Variants in LIFR observed in about 807,000 individuals in gnomAD.
LIFR encodes the protein LIF receptor subunit alpha.
LIFR carries 84 observed loss-of-function variants against 122.2 expected under a neutral mutation model. That is an observed-to-expected ratio of 0.69 (90% CI 0.58 to 0.82). The LOEUF is 0.82. LIFR is among the 40% of genes least tolerant of loss of function. LIFR has a pLI of 0.00. For synonymous variants in LIFR, 422 were observed against 434.7 expected, an observed-to-expected ratio of 0.97 and a Z score of 0.36; for missense variants, 1,294 against 1,311.6, an observed-to-expected ratio of 0.99 and a Z score of 0.21.
At chr5:38,567,496 G>GTATT (rs56285132) in intron 1 of LIFR, among the ~76,000 whole-genome samples, 20,582 of 132,642 alleles carry the variant, frequency 0.16, 1,775 homozygotes, top group African/African-American at 0.21. Flanking sequence ...TGACCATTCT[G>GTATT]TATTTATTTA....
At chr5:38,484,727 A>T in intron 18 of LIFR, 48 bp downstream of exon 18, 1 of 1,189,962 alleles carries the variant, frequency 8.4e-7, no homozygotes, top group Non-Finnish European at 1.3e-6. Context: ...AAATCTTATA[A>T]TCATGCCTTT....
At chr5:38,580,644 C>T (rs1580225028) in intron 1 of LIFR, among the ~76,000 whole-genome samples, 1 of 152,304 alleles carries the variant, frequency 6.6e-6, no homozygotes, top group East Asian at 1.9e-4. Flanking sequence ...CACCTAACCT[C>T]ACATCTGCCT....
intron 14 of LIFR, among the ~76,000 whole-genome samples, chr5:38,492,566 T>TA (rs1744653407): frequency 6.6e-6 from 1 of 152,156 alleles, no homozygotes; most frequent in Admixed American, 6.5e-5. Context: ...GGAAGATCAT[T>TA]ACCACTTCAG....
Position 38,497,481 on chromosome 5 carries a change from A to C in LIFR, c.1672-886T>G, listed in dbSNP as rs147899326. On this transcript the variant is annotated intron_variant, in intron 12 of 19. Coordinates refer to ENST00000453190, the MANE Select transcript of LIFR (RefSeq NM_001127671.2). The stretch of plus-strand genomic sequence containing the variant: ...ACATTTTTCAGGAGCAAAACTTTTA[A>C]AACTATCCAGAAGCACTGCTCTACT... Among the ~76,000 whole-genome samples the C allele has an allele frequency of 3.0e-4, 46 of 152,384 alleles. No individual in the cohort carries two copies. In the East Asian group the frequency reaches 8.1e-3, roughly 27 times the overall value.
Position 38,481,479 on chromosome 5 carries a change from A to G in LIFR, c.*116T>C. ...TTCAGTGTAACTTAACATGTAGTGA[A>G]GTTCACCTCCTAACAATACTTCACA... On this transcript the variant is annotated 3_prime_UTR_variant, in exon 20 of 20. Coordinates refer to ENST00000453190, the MANE Select transcript of LIFR (RefSeq NM_001127671.2). 1 of 1,120,984 alleles carries G rather than the reference A, an allele frequency of 8.9e-7. No homozygotes were observed. The highest frequency in any genetic ancestry group is 1.4e-6 in the Non-Finnish European group (1 of 734,026). 69.4% of individuals were successfully genotyped at this position (1,120,984 alleles called of 1,614,324 possible).
intron 11 of LIFR, among the ~76,000 whole-genome samples, chr5:38,501,409 C>T (rs1217041715): frequency 1.3e-5 from 2 of 152,148 alleles, no homozygotes; most frequent in Non-Finnish European, 2.9e-5. Context: ...TATTATACTG[C>T]ATAATATAAA....
rs570512971 is a variant in LIFR at position 38,480,936 on chromosome 5, G to C, written c.*659C>G. On this transcript the variant is annotated 3_prime_UTR_variant, in exon 20 of 20. Transcript: ENST00000453190. ...ACATGATTATGATTTGGGCTGGTCA[G>C]TGTCACACTTGTTTTCAAAGTTTGT... is the stretch of plus-strand genomic sequence containing the variant. The C allele has an allele frequency of 3.2e-5, 7 of 221,296 alleles. No homozygotes were observed. The South Asian group carries it at 1.3e-3, about 41-fold the overall frequency. 13.7% of individuals were successfully genotyped at this position (221,296 alleles called of 1,614,324 possible). A position where few individuals can be genotyped will look rare whatever the true frequency, so the allele number is the denominator to read the frequency against.
intron 1 of LIFR, among the ~76,000 whole-genome samples, chr5:38,531,789 C>T (rs1164666290): frequency 3.3e-5 from 5 of 152,128 alleles, no homozygotes; most frequent in Admixed American, 6.5e-5. Context: ...AAATATTTTT[C>T]TTAGTGAAAG....
rs559680622 is a variant in LIFR at position 38,546,455 on chromosome 5, T to G, written c.-20+9879A>C. Among the ~76,000 whole-genome samples the G allele has an allele frequency of 2.5e-4, 38 of 152,336 alleles. No homozygotes were observed. In the East Asian group the frequency reaches 5.2e-3, roughly 21 times the overall value. On this transcript the variant is annotated intron_variant, in intron 1 of 19. Coordinates refer to ENST00000453190, the MANE Select transcript of LIFR (RefSeq NM_001127671.2). ...AAACCCTTGAATTATTTGTCAATAT[T>G]GCAAAATGGAGTGTTTAAAAATCAA...
At chr5:38,573,316 G>A (rs1443143850) in intron 1 of LIFR, among the ~76,000 whole-genome samples, 1 of 152,192 alleles carries the variant, frequency 6.6e-6, no homozygotes, top group Non-Finnish European at 1.5e-5. Flanking sequence ...AGGCCAGTGG[G>A]TCAGTGTGCC....
chr5:38,541,630 C>T (rs1747597836), intron 1 of LIFR, among the ~76,000 whole-genome samples: 1 of 152,070 alleles, frequency 6.6e-6, no homozygotes, highest in Admixed American at 6.6e-5. Flanking sequence ...AGACAGATAT[C>T]AAAAACTTCT....
In LIFR at chr5:38,493,742, A is replaced by AT; in HGVS notation, c.1928_1929insA (p.Leu644SerfsTer17). 1 of 1,614,148 alleles carries AT rather than the reference A, an allele frequency of 6.2e-7. No individual in the cohort carries two copies. Among genetic ancestry groups the AT allele is most frequent in the Non-Finnish European group, 8.5e-7 (1 of 1,180,002 alleles). On this transcript the variant is annotated frameshift_variant, in exon 14 of 20. Coordinates refer to ENST00000453190, the MANE Select transcript of LIFR (RefSeq NM_001127671.2). LOFTEE classifies it high-confidence loss of function. ...TGGGGTCGTAATGCCAGGTGAGGAG[A>AT]ATCCCCTTTCCCATCCCAACAACTT...
At chr5:38,518,054 G>A (rs1746198721) in intron 5 of LIFR, among the ~76,000 whole-genome samples, 1 of 151,144 alleles carries the variant, frequency 6.6e-6, no homozygotes, top group Admixed American at 6.6e-5. Flanking sequence ...TGAGGCTGCA[G>A]TCAGCTATAT....
At chr5:38,504,642 G>C (rs1309650105) in intron 9 of LIFR, among the ~76,000 whole-genome samples, 1 of 152,128 alleles carries the variant, frequency 6.6e-6, no homozygotes, top group Non-Finnish European at 1.5e-5. Context: ...AATAATGAAG[G>C]TACAGCGAGG....
At chr5:38,607,301 G>A (rs920632080) in intron 1 of LIFR, among the ~76,000 whole-genome samples, 3 of 152,222 alleles carry the variant, frequency 2.0e-5, no homozygotes, top group South Asian at 4.1e-4. Flanking sequence ...ATTGTGCCTC[G>A]CATTTTCATC....
In LIFR at chr5:38,481,440, AG is replaced by A; in HGVS notation, c.*154del. On this transcript the variant is annotated 3_prime_UTR_variant, in exon 20 of 20. Coordinates refer to ENST00000453190, the MANE Select transcript of LIFR (RefSeq NM_001127671.2). ...ACTTTGGCTTTTAGACTACATTAAAAGCACATGAACACTTTCAGTGTAACTT... is the reference window on the plus strand; with the variant it reads ...ACTTTGGCTTTTAGACTACATTAAAACACATGAACACTTTCAGTGTAACTT... 1.2e-6 allele frequency: 1 copy of A among 850,416 alleles called. No homozygotes were observed. The highest frequency in any genetic ancestry group is 1.9e-6 in the Non-Finnish European group (1 of 517,032). 52.7% of individuals were successfully genotyped at this position (850,416 alleles called of 1,614,324 possible). A position where few individuals can be genotyped will look rare whatever the true frequency, so the allele number is the denominator to read the frequency against.
chr5:38,499,654 TC>T, intron 11 of LIFR, 71 bp from the exon 12 acceptor site: 1 of 1,048,234 alleles, frequency 9.5e-7, no homozygotes. Context: ...GCATTTTTTT[TC>T]TAGGATGTTT....
intron 1 of LIFR, among the ~76,000 whole-genome samples, chr5:38,541,341 G>A (rs1747581086): frequency 6.6e-6 from 1 of 152,212 alleles, no homozygotes; most frequent in African/African-American, 2.4e-5. Flanking sequence ...ATGATCAACA[G>A]TACTAAGAAA....
intron 1 of LIFR, among the ~76,000 whole-genome samples, chr5:38,540,834 T>C (rs371902694): frequency 6.6e-6 from 1 of 152,120 alleles, no homozygotes; most frequent in African/African-American, 2.4e-5. Flanking sequence ...CAAATATAGT[T>C]CTTAGGGAGC....
Sources: gnomAD v4.1 joint callset for allele counts (sites outside exome capture counted in the v4.1 genomes callset) on GRCh38, gnomAD v4.1.1 for gene constraint, MANE v1.5 for transcripts, NCBI Gene and HGNC (gene_info 2026-07-23, HGNC 2026-07-21) for gene names.